Variants in AVEN observed in about 807,000 individuals in gnomAD.
AVEN encodes the protein cell death regulator Aven.
AVEN carries 41 observed loss-of-function variants against 38.1 expected under a neutral mutation model. That is an observed-to-expected ratio of 1.08 (90% CI 0.84 to 1.40). The LOEUF is 1.40. AVEN is among the 40% of genes most tolerant of loss of function. The pLI is 0.00. For missense variants in AVEN, 605 were observed against 438.8 expected, an observed-to-expected ratio of 1.38 and a Z score of -3.38; for synonymous variants, 206 against 171.8, an observed-to-expected ratio of 1.20 and a Z score of -1.56.
intron 3 of AVEN, 70 bp downstream of exon 3, chr15:33,875,855 G>T: frequency 7.2e-7 from 1 of 1,382,048 alleles, no homozygotes; most frequent in South Asian, 1.2e-5. Context: ...TCTATCTCAA[G>T]AACGTAAAAG....
At chr15:33,860,843 TCCACTGTC>T (rs1481141534) in intron 11 of AVEN, among the ~76,000 whole-genome samples, 3 of 151,302 alleles carry the variant, frequency 2.0e-5, no homozygotes, top group African/African-American at 7.4e-5. Context: ...TGCTGCCTCC[TCCACTGTC>T]CCACAATAGG....
Position 33,960,114 on chromosome 15 carries a change from C to G in AVEN, c.445+42918G>C, listed in dbSNP as rs183656866. 6.2e-3 allele frequency among the ~76,000 whole-genome samples: 946 copies of G among 152,184 alleles called. 20 individuals carry two copies. The highest frequency in any genetic ancestry group is 4.5e-3 in the Non-Finnish European group (309 of 68,026). ...GGACCGTGATCAGATATGGAGGTTT[C>G]TTTTAGAAATAAAATACAAATTAAC... On this transcript the variant is annotated intron_variant, in intron 2 of 5. Transcript: ENST00000306730.
intron 2 of AVEN, among the ~76,000 whole-genome samples, chr15:33,964,719 AG>A (rs1895322428): frequency 6.6e-6 from 1 of 152,218 alleles, no homozygotes; most frequent in African/African-American, 2.4e-5. Context: ...AATTTTGGAA[AG>A]AAAAATAAAT....
chr15:33,981,454 T>C (rs1896140653), intron 2 of AVEN, among the ~76,000 whole-genome samples: 1 of 152,208 alleles, frequency 6.6e-6, no homozygotes, highest in African/African-American at 2.4e-5. Context: ...CAAGTTTTTT[T>C]AAGTAGCCAA....
downstream of AVEN, chr15:33,864,041 G>T: frequency 1.2e-6 from 1 of 835,972 alleles, no homozygotes; most frequent in Non-Finnish European, 2.0e-6. Flanking sequence ...GATAGCGTGG[G>T]ACCAACTAGC....
chr15:34,031,378 T>C (rs1334959392), intron 1 of AVEN, among the ~76,000 whole-genome samples: 3 of 152,050 alleles, frequency 2.0e-5, no homozygotes, highest in Non-Finnish European at 4.4e-5. Flanking sequence ...TTTCATCATG[T>C]TGGTCAGGCT....
rs367857442 is a variant in AVEN at position 34,063,015 on chromosome 15, A to G, written n.1544T>C. On this transcript the variant is annotated non_coding_transcript_exon_variant, in exon 5 of 12. Coordinates refer to the AVEN transcript ENST00000675287. This position sits in a 1 kb window ranked among gnomAD's most constrained non-coding sequence, Gnocchi z 4.1. The stretch of plus-strand genomic sequence containing the variant: ...CCTCATGGGACGCTGGGCTCTCGGG[A>G]GTCTGGCTTGTGACCTTTGGCTTGC... 8.1e-6 allele frequency: 13 copies of G among 1,614,086 alleles called. No homozygotes were observed. The highest frequency in any genetic ancestry group is 8.5e-7 in the Non-Finnish European group (1 of 1,180,034).
At chr15:34,067,585 C>T (rs1036172216) in intron 2 of AVEN, 2 of 152,216 alleles carry the variant, frequency 1.3e-5, no homozygotes, top group Non-Finnish European at 2.9e-5. Flanking sequence ...GATTGATACA[C>T]AGTATGGATA....
intron 5 of AVEN, chr15:34,046,986 C>T (rs1269654051): frequency 6.6e-6 from 1 of 152,236 alleles, no homozygotes; most frequent in Admixed American, 6.5e-5. Flanking sequence ...AGGTCCAACA[C>T]ACAGAGCTGT....
chr15:34,058,263 AC>A (rs1900225695), intron 5 of AVEN, among the ~76,000 whole-genome samples: 1 of 152,172 alleles, frequency 6.6e-6, no homozygotes, highest in Non-Finnish European at 1.5e-5. Context: ...GTTTGACAAA[AC>A]AACTGGGTAC....
intron 2 of AVEN, among the ~76,000 whole-genome samples, chr15:33,966,097 T>C (rs1895369045): frequency 1.3e-5 from 2 of 152,158 alleles, no homozygotes; most frequent in African/African-American, 4.8e-5. Context: ...ATATGAAATA[T>C]TTGCACCCAA....
At chr15:33,985,047 A>C (rs1362843678) in intron 2 of AVEN, among the ~76,000 whole-genome samples, 1 of 152,072 alleles carries the variant, frequency 6.6e-6, no homozygotes, top group Non-Finnish European at 1.5e-5. Context: ...TCTGTATCCC[A>C]CAGCACTCTG....
At chr15:33,974,858 C>G (rs8033418) in intron 2 of AVEN, among the ~76,000 whole-genome samples, 129,154 of 152,072 alleles carry the variant, frequency 0.85, 57,585 homozygotes, top group Non-Finnish European at 0.97. Flanking sequence ...CTGTAATCCC[C>G]GCTACTTGGA....
intron 2 of AVEN, among the ~76,000 whole-genome samples, chr15:33,996,132 C>T (rs1489094638): frequency 5.9e-5 from 9 of 152,196 alleles, no homozygotes. Flanking sequence ...GGGGGAGGGG[C>T]GTCTGCCATT....
chr15:34,017,484 G>GTTTT (rs60119659), intron 1 of AVEN, among the ~76,000 whole-genome samples: 16,096 of 106,900 alleles, frequency 0.15, 1,643 homozygotes, highest in African/African-American at 0.28. Context: ...TTTTTTTTTT[G>GTTTT]TTTTTTTTTT....
chr15:33,932,521 C>A (rs939544051), intron 2 of AVEN, among the ~76,000 whole-genome samples: 4 of 152,108 alleles, frequency 2.6e-5, no homozygotes, highest in Non-Finnish European at 4.4e-5. Context: ...CTTAAGCCAG[C>A]GTTACTTTTA....
the AVEN span, chr15:33,853,016 G>T: frequency 4.4e-6 from 7 of 1,591,008 alleles, no homozygotes; most frequent in Middle Eastern, 1.7e-4. Flanking sequence ...TAAGAATGAA[G>T]AACCAACCTT....
At chr15:33,974,632 G>A (rs115608649) in intron 2 of AVEN, among the ~76,000 whole-genome samples, 2,213 of 152,266 alleles carry the variant, frequency 0.015, 53 homozygotes, top group African/African-American at 0.05. Flanking sequence ...GCATGTGTAC[G>A]TCCTCACAGA....
intron 2 of AVEN, among the ~76,000 whole-genome samples, chr15:33,883,090 G>C (rs992831954): frequency 6.6e-6 from 1 of 152,182 alleles, no homozygotes; most frequent in African/African-American, 2.4e-5. Context: ...TTCTTACCTA[G>C]TCAGTTACTA....
Sources: allele counts gnomAD v4.1 joint callset (sites outside exome capture counted in the v4.1 genomes callset), GRCh38; gene constraint gnomAD v4.1.1; non-coding constraint Gnocchi (gnomAD v3.1); transcripts MANE v1.5; gene names NCBI Gene and HGNC (gene_info 2026-07-23, HGNC 2026-07-21).